SAMD4A: variants seen among roughly 807,000 people sequenced by gnomAD.
The protein encoded by SAMD4A is protein Smaug homolog 1.
SAMD4A carries 33 observed loss-of-function variants against 81.3 expected under a neutral mutation model. The ratio of observed to expected loss-of-function variants is 0.41; its 90% CI spans 0.31 to 0.54. The LOEUF (loss-of-function observed/expected upper bound fraction) is 0.54. SAMD4A is among the 20% of genes least tolerant of loss of function. SAMD4A has a pLI of 0.37. For synonymous variants in SAMD4A, 389 were observed against 382.1 expected (o/e 1.02, Z -0.21); for missense variants, 854 against 951.1 (o/e 0.90, Z 1.34).
At chr14:54,593,517 A>G (rs2033836063) in intron 2 of SAMD4A, among the ~76,000 whole-genome samples, 1 of 152,212 alleles carries the variant, frequency 6.6e-6, no homozygotes, top group Admixed American at 6.5e-5. Flanking sequence ...TTTACTTTCT[A>G]GGTGATTTAG....
intron 2 of SAMD4A, among the ~76,000 whole-genome samples, chr14:54,583,951 A>G (rs927592930): frequency 1.3e-5 from 2 of 152,226 alleles, no homozygotes; most frequent in African/African-American, 4.8e-5. Flanking sequence ...AATTTTCTCC[A>G]CCAGTGTAGT....
intron 2 of SAMD4A, among the ~76,000 whole-genome samples, chr14:54,647,961 A>T (rs2035320868): frequency 6.6e-6 from 1 of 152,216 alleles, no homozygotes. Flanking sequence ...ATAAAAGTGG[A>T]ATGCCCTACA....
chr14:54,644,348 A>G (rs1184370017), intron 2 of SAMD4A, among the ~76,000 whole-genome samples: 1 of 152,216 alleles, frequency 6.6e-6, no homozygotes, highest in Non-Finnish European at 1.5e-5. Flanking sequence ...TAGGTTCTAA[A>G]TTGCACCTAG....
intron 2 of SAMD4A, among the ~76,000 whole-genome samples, chr14:54,584,511 CTCTG>C (rs1193959585): frequency 2.0e-5 from 3 of 152,164 alleles, no homozygotes; most frequent in African/African-American, 7.2e-5. Context: ...TTAAAGAAGA[CTCTG>C]TCAAGTTAAC....
At chr14:54,708,645 C>T (rs1168101872) in intron 3 of SAMD4A, among the ~76,000 whole-genome samples, 2 of 152,098 alleles carry the variant, frequency 1.3e-5, no homozygotes, top group Non-Finnish European at 2.9e-5. Flanking sequence ...AAGGAGAAAC[C>T]CTTGAGGTTG....
At chr14:54,759,905 C>T (rs1029851090) in intron 6 of SAMD4A, among the ~76,000 whole-genome samples, 14 of 152,132 alleles carry the variant, frequency 9.2e-5, no homozygotes, top group Admixed American at 4.6e-4. Flanking sequence ...AAATTGTTTT[C>T]GTGGTCATCT....
chr14:54,610,196 T>G (rs2034317031), intron 2 of SAMD4A, among the ~76,000 whole-genome samples: 1 of 152,228 alleles, frequency 6.6e-6, no homozygotes, highest in South Asian at 2.1e-4. Flanking sequence ...CGTAGCCTTT[T>G]GTTTTCCAAA....
chr14:54,770,053 C>T, intron 8 of SAMD4A, 51 bp from the exon 9 acceptor site: 1 of 1,187,130 alleles, frequency 8.4e-7, no homozygotes, highest in Non-Finnish European at 1.3e-6. Context: ...ATGTTTCTCC[C>T]TCTAATGCCA....
chr14:54,763,962 TG>T (rs1387244116), intron 7 of SAMD4A, among the ~76,000 whole-genome samples: 5 of 152,162 alleles, frequency 3.3e-5, no homozygotes, highest in Admixed American at 3.3e-4. Flanking sequence ...CTCCTGCACA[TG>T]TGCACACCCA....
chr14:54,661,623 T>C (rs570243541), intron 2 of SAMD4A, among the ~76,000 whole-genome samples: 2 of 152,318 alleles, frequency 1.3e-5, no homozygotes, highest in East Asian at 3.9e-4. Flanking sequence ...ATTCCTTCTT[T>C]GTGCATGCAA....
intron 2 of SAMD4A, among the ~76,000 whole-genome samples, chr14:54,658,716 G>A (rs986429552): frequency 2.0e-5 from 3 of 152,172 alleles, no homozygotes; most frequent in African/African-American, 7.2e-5. Context: ...TCCGAATACC[G>A]TGTCCACTGA....
intron 2 of SAMD4A, among the ~76,000 whole-genome samples, chr14:54,616,964 T>C (rs2034505616): frequency 6.6e-6 from 1 of 152,238 alleles, no homozygotes; most frequent in South Asian, 2.1e-4. Flanking sequence ...GGACCTCAAA[T>C]TATTTCCAGC....
chr14:54,739,518 C>CAAAAAAAAAAAAAA (rs11301120), intron 4 of SAMD4A, among the ~76,000 whole-genome samples: 1 of 135,346 alleles, frequency 7.4e-6, no homozygotes. Context: ...AGTTAAATGG[C>CAAAAAAAAAAAAAA]AAAAAAAAAA....
In SAMD4A at chr14:54,774,930, A is replaced by T; in HGVS notation, c.1716-4A>T. On this transcript the variant is annotated splice_polypyrimidine_tract_variant and splice_region_variant and intron_variant, in intron 9 of 12. Coordinates refer to ENST00000554335, the MANE Select transcript of SAMD4A (RefSeq NM_015589.6). ...TTCTCTTCCTTCTCTCTTGGCTCTCACAGTCGAGGCTTTGGGCAATCCAAC... is the reference window on the plus strand; with the variant it reads ...TTCTCTTCCTTCTCTCTTGGCTCTCTCAGTCGAGGCTTTGGGCAATCCAAC... 2.5e-6 allele frequency: 4 copies of T among 1,613,930 alleles called. No homozygotes were observed. Among genetic ancestry groups the T allele is most frequent in the Non-Finnish European group, 3.4e-6 (4 of 1,179,986 alleles).
chr14:54,723,328 G>A (rs1011151550), intron 3 of SAMD4A, among the ~76,000 whole-genome samples: 2 of 152,100 alleles, frequency 1.3e-5, no homozygotes, highest in African/African-American at 4.8e-5. Context: ...TTCTAATTTA[G>A]TTATAGGGAA....
At chr14:54,762,756 A>G (rs145717554) in intron 7 of SAMD4A, among the ~76,000 whole-genome samples, 104 of 152,312 alleles carry the variant, frequency 6.8e-4, no homozygotes, top group African/African-American at 2.4e-3. Flanking sequence ...ACCCTCCCCC[A>G]ACCCCAAACC....
chr14:54,764,154 A>C (rs1476051965), intron 7 of SAMD4A, among the ~76,000 whole-genome samples: 1 of 152,246 alleles, frequency 6.6e-6, no homozygotes, highest in East Asian at 1.9e-4. Flanking sequence ...GACCAAGCTC[A>C]GGACGCCACT....
chr14:54,716,587 T>C (rs149344883), intron 3 of SAMD4A, among the ~76,000 whole-genome samples: 1 of 152,322 alleles, frequency 6.6e-6, no homozygotes, highest in East Asian at 1.9e-4. Flanking sequence ...TGAATTTTCT[T>C]AGTTGCTCGT....
At chr14:54,712,470 T>A (rs2037013989) in intron 3 of SAMD4A, among the ~76,000 whole-genome samples, 2 of 152,318 alleles carry the variant, frequency 1.3e-5, no homozygotes, top group Admixed American at 6.5e-5. Context: ...GGGGGAAACT[T>A]TTTTTAGTAT....
Sources: gnomAD v4.1 joint callset for allele counts (sites outside exome capture counted in the v4.1 genomes callset) on GRCh38, gnomAD v4.1.1 for gene constraint, MANE v1.5 for transcripts, NCBI Gene and HGNC (gene_info 2026-07-23, HGNC 2026-07-21) for gene names.